CLEC18A: variants seen among roughly 807,000 people sequenced by gnomAD.
CLEC18A encodes the protein mannose receptor-like 1.
A neutral mutation model predicts 24.0 loss-of-function variants in CLEC18A; 5 were observed. That is an observed-to-expected ratio of 0.21 (90% CI 0.11 to 0.44). The LOEUF (loss-of-function observed/expected upper bound fraction) is 0.44, where lower values mean the gene tolerates loss of function less well. Ranked by LOEUF, CLEC18A falls within the 20% of genes least tolerant of loss-of-function variation. The probability of loss-of-function intolerance (pLI) is 0.99; values close to 1 mark genes in which losing one functional copy is unlikely to be tolerated. For missense variants in CLEC18A, 83 were observed against 233.4 expected (o/e 0.36, Z 4.20); for synonymous variants, 29 against 100.1 (o/e 0.29, Z 4.24).
the CLEC18A span, among the ~76,000 whole-genome samples, chr16:69,945,146 T>G: frequency 2.8e-5 from 4 of 144,346 alleles, no homozygotes; most frequent in African/African-American, 5.4e-5. Flanking sequence ...AAAAAGTAGC[T>G]GGGTATGGTG....
intron 3 of CLEC18A, among the ~76,000 whole-genome samples, chr16:69,954,818 C>G (rs1264835761): frequency 6.6e-6 from 1 of 151,968 alleles, no homozygotes; most frequent in Non-Finnish European, 1.5e-5. Context: ...GTACTTCAGC[C>G]TCCTGACTAG....
At chr16:69,955,988 G>A (rs1174457177) in intron 3 of CLEC18A, among the ~76,000 whole-genome samples, 3 of 152,022 alleles carry the variant, frequency 2.0e-5, no homozygotes, top group South Asian at 2.1e-4. Context: ...GCTCACGCCC[G>A]TAATCCCAGC....
At chr16:69,956,365 T>TC in intron 3 of CLEC18A, among the ~76,000 whole-genome samples, 1 of 96,716 alleles carries the variant, frequency 1.0e-5, no homozygotes, top group Non-Finnish European at 1.8e-5. Flanking sequence ...TTAATTTTTT[T>TC]TTTTTTTTGA....
chr16:69,948,268 T>G (rs1234925832), upstream of CLEC18A, among the ~76,000 whole-genome samples: 1 of 103,354 alleles, frequency 9.7e-6, no homozygotes, highest in Non-Finnish European at 1.9e-5. Context: ...CCACCCAGCT[T>G]GGCCTCCCAA....
At chr16:69,946,436 C>CCA (rs2058911388), upstream of CLEC18A, among the ~76,000 whole-genome samples, 2 of 116,992 alleles carry the variant, frequency 1.7e-5, no homozygotes, top group African/African-American at 3.3e-5. Context: ...GTCACTCTGT[C>CCA]GCCTAGTCTG....
chr16:69,965,232 C>T (rs1959338906), downstream of CLEC18A, among the ~76,000 whole-genome samples: 1 of 151,882 alleles, frequency 6.6e-6, no homozygotes, highest in South Asian at 2.1e-4. Flanking sequence ...TCTCTACCTC[C>T]CGCGAAGGCG....
At position 69,954,715 on chromosome 16, in the gene CLEC18A, T is replaced by TG. The variant is rs201040913; in HGVS notation, c.456+143dup. The TG allele has an allele frequency of 4.6e-4, 681 of 1,476,314 alleles. 2 individuals are homozygous for TG. In the African/African-American group the frequency reaches 8.7e-3, roughly 19 times the overall value. The allele number at this position is 1,476,314 out of a possible 1,614,324, so 91.5% of individuals were successfully genotyped here. On this transcript the variant is annotated intron_variant, in intron 3 of 11. Coordinates refer to ENST00000288040, the MANE Select transcript of CLEC18A (RefSeq NM_001370523.4). ...GTTTAGTTTTACTTTTTTTTTTTTT[T>TG]GATACGGAGTCTTGCTCTGTTGCCC...
chr16:69,956,043 C>T (rs1476790086), intron 3 of CLEC18A, among the ~76,000 whole-genome samples: 3 of 152,066 alleles, frequency 2.0e-5, no homozygotes, highest in East Asian at 1.9e-4. Flanking sequence ...CCCGGGAGTT[C>T]GAGATCAGCC....
intron 2 of CLEC18A, chr16:69,953,832 A>C: frequency 6.0e-6 from 1 of 165,576 alleles, no homozygotes; most frequent in Non-Finnish European, 1.3e-5. Context: ...AAAAAAAAAA[A>C]GAAGAGGGAG....
upstream of CLEC18A, among the ~76,000 whole-genome samples, chr16:69,948,580 A>G (rs1028941835): frequency 4.0e-5 from 6 of 151,856 alleles, no homozygotes; most frequent in Non-Finnish European, 7.4e-5. Context: ...ATACAGCAAA[A>G]TGTGAACCCT....
the CLEC18A span, among the ~76,000 whole-genome samples, chr16:69,944,422 C>A: frequency 1.6e-3 from 237 of 152,104 alleles, 2 homozygotes; most frequent in South Asian, 0.013. Flanking sequence ...ATGAACCAGA[C>A]AGAGAAACAT....
At chr16:69,951,660 C>T in intron 1 of CLEC18A, 170 bp downstream of exon 1, 2 of 1,064,630 alleles carry the variant, frequency 1.9e-6, no homozygotes, top group South Asian at 1.7e-5. Context: ...GGATGCTGGA[C>T]TGGGGAGGAA....
At chr16:69,966,321 G>T (rs1959392281), downstream of CLEC18A, among the ~76,000 whole-genome samples, 2 of 144,042 alleles carry the variant, frequency 1.4e-5, no homozygotes, top group African/African-American at 2.5e-5. Context: ...TTGAGTAGGC[G>T]CTGGGTAAAA....
At chr16:69,944,456 G>A in the CLEC18A span, among the ~76,000 whole-genome samples, 1 of 151,456 alleles carries the variant, frequency 6.6e-6, no homozygotes, top group Non-Finnish European at 1.5e-5. Flanking sequence ...GGCTGACCAG[G>A]AGTTGGAGAT....
chr16:69,950,517 C>G (rs913565228), upstream of CLEC18A, among the ~76,000 whole-genome samples: 6 of 83,412 alleles, frequency 7.2e-5, no homozygotes, highest in African/African-American at 2.2e-4. Flanking sequence ...TGCTGCCCAC[C>G]TGCTACGCCG....
At chr16:69,947,427 T>C (rs1331898728), upstream of CLEC18A, among the ~76,000 whole-genome samples, 4 of 130,736 alleles carry the variant, frequency 3.1e-5, no homozygotes, top group Non-Finnish European at 6.6e-5. Flanking sequence ...AATTTGGGGC[T>C]GGTTGTGGTG....
intron 11 of CLEC18A, among the ~76,000 whole-genome samples, chr16:69,963,305 A>G (rs1280314976): frequency 5.9e-5 from 9 of 152,038 alleles, no homozygotes; most frequent in Admixed American, 2.0e-4. Flanking sequence ...ACAGCTCTGC[A>G]GGGGATTTCT....
chr16:69,944,980 A>G, the CLEC18A span, among the ~76,000 whole-genome samples: 1 of 143,952 alleles, frequency 6.9e-6, no homozygotes, highest in African/African-American at 2.8e-5. Context: ...GTCTCTACCA[A>G]AAATACAAAA....
chr16:69,944,578 G>A, the CLEC18A span, among the ~76,000 whole-genome samples: 1 of 151,854 alleles, frequency 6.6e-6, no homozygotes, highest in African/African-American at 2.4e-5. Context: ...GGTGGCTCAT[G>A]ATTGTAATCC....
Sources: allele counts gnomAD v4.1 joint callset (sites outside exome capture counted in the v4.1 genomes callset), GRCh38; gene constraint gnomAD v4.1.1; transcripts MANE v1.5; gene names NCBI Gene and HGNC (gene_info 2026-07-23, HGNC 2026-07-21).